Variants in C12orf42 observed in about 807,000 individuals in gnomAD.
C12orf42 encodes the protein chromosome 12 open reading frame 42.
A neutral mutation model predicts 21.6 loss-of-function variants in C12orf42; 25 were observed. The ratio of observed to expected loss-of-function variants is 1.16; its 90% CI spans 0.84 to 1.62. The LOEUF is 1.62. C12orf42 is among the 40% of genes most tolerant of loss of function. The pLI is 0.00. For synonymous variants in C12orf42, 174 were observed against 175.0 expected, an observed-to-expected ratio of 0.99 and a Z score of 0.05; for missense variants, 483 against 459.3, an observed-to-expected ratio of 1.05 and a Z score of -0.47.
At chr12:103,117,802 C>A in the C12orf42 span, among the ~76,000 whole-genome samples, 1 of 152,252 alleles carries the variant, frequency 6.6e-6, no homozygotes, top group East Asian at 1.9e-4. Context: ...ATGAAGGCAA[C>A]CTGAGTATAG....
intron 4 of C12orf42, among the ~76,000 whole-genome samples, chr12:103,285,948 A>C (rs904932091): frequency 1.3e-5 from 2 of 152,202 alleles, no homozygotes; most frequent in African/African-American, 2.4e-5. Context: ...ATGTGCTGAA[A>C]AAAATAAATG....
the C12orf42 span, among the ~76,000 whole-genome samples, chr12:103,114,500 G>A: frequency 2.0e-5 from 3 of 152,230 alleles, no homozygotes; most frequent in Non-Finnish European, 4.4e-5. Context: ...CTCTGGGTTG[G>A]GGCCCAGCAC....
Position 103,436,814 on chromosome 12 carries a change from T to C in C12orf42, c.79-35139A>G, listed in dbSNP as rs373572460. On this transcript the variant is annotated intron_variant, in intron 2 of 5. Coordinates refer to ENST00000548883, the MANE Select transcript of C12orf42 (RefSeq NM_198521.5). ...CCCACACATTAATAATGGGAGACTT[T>C]AACACCCCACTGTCAACATTAGACA... Among the ~76,000 whole-genome samples, 118 of 151,944 alleles carry C rather than the reference T, an allele frequency of 7.8e-4. 1 individual carries two copies. In the East Asian group the frequency reaches 0.016, roughly 21 times the overall value.
At chr12:103,126,150 A>G in the C12orf42 span, among the ~76,000 whole-genome samples, 17 of 152,308 alleles carry the variant, frequency 1.1e-4, no homozygotes, top group East Asian at 3.3e-3. Context: ...GTGGCAGCAC[A>G]AGGAAGAAAT....
At chr12:103,278,564 G>A (rs1450706866) in intron 4 of C12orf42, among the ~76,000 whole-genome samples, 1 of 152,244 alleles carries the variant, frequency 6.6e-6, no homozygotes, top group Non-Finnish European at 1.5e-5. Flanking sequence ...GGCTGTGGCT[G>A]GGCACGTGGC....
At position 103,270,185 on chromosome 12, in the gene C12orf42, C is replaced by G. The variant is rs1410569845; in HGVS notation, n.399-332G>C. ...GTGGACACTGTGCTGAAAACATGAC[C>G]TAAGTACTACAGAAATGCAGAAAAG... On this transcript the variant is annotated intron_variant and non_coding_transcript_variant, in intron 5 of 6. Transcript: ENST00000546526. The G allele has an allele frequency of 6.6e-5, 10 of 152,066 alleles. No homozygotes were observed. The East Asian group carries it at 1.2e-3, about 18-fold the overall frequency. The allele number at this position is 152,066 out of a possible 1,614,324, so 9.4% of individuals were successfully genotyped here. A position where few individuals can be genotyped will look rare whatever the true frequency, so the allele number is the denominator to read the frequency against.
At chr12:103,136,998 A>C in the C12orf42 span, among the ~76,000 whole-genome samples, 1 of 152,188 alleles carries the variant, frequency 6.6e-6, no homozygotes, top group South Asian at 2.1e-4. Flanking sequence ...TCAAGAGCAC[A>C]GGCAACAAAA....
chr12:103,299,165 ATAT>A (rs1686838102), downstream of C12orf42, among the ~76,000 whole-genome samples: 1 of 152,172 alleles, frequency 6.6e-6, no homozygotes, highest in Non-Finnish European at 1.5e-5. Flanking sequence ...ATAAAATAAC[ATAT>A]TATACAGTTT....
the C12orf42 span, among the ~76,000 whole-genome samples, chr12:103,065,961 C>A: frequency 6.6e-6 from 1 of 152,162 alleles, no homozygotes; most frequent in Non-Finnish European, 1.5e-5. Flanking sequence ...AGCTGCTCTG[C>A]CACTTGGGAC....
At chr12:103,125,303 A>T in the C12orf42 span, among the ~76,000 whole-genome samples, 2 of 152,132 alleles carry the variant, frequency 1.3e-5, no homozygotes, top group African/African-American at 4.8e-5. Context: ...ATAATCCAAG[A>T]TCCAGAGGTG....
At chr12:103,208,853 T>G in the C12orf42 span, among the ~76,000 whole-genome samples, 1 of 152,230 alleles carries the variant, frequency 6.6e-6, no homozygotes, top group East Asian at 1.9e-4. Flanking sequence ...GAGCTTAGTG[T>G]TCCTCATTAT....
the C12orf42 span, among the ~76,000 whole-genome samples, chr12:103,519,670 T>C: frequency 1.3e-5 from 2 of 152,146 alleles, no homozygotes; most frequent in African/African-American, 4.8e-5. Context: ...TGTGCTTTAA[T>C]GGAGAAAGAG....
the C12orf42 span, among the ~76,000 whole-genome samples, chr12:103,108,596 G>A: frequency 2.0e-5 from 3 of 152,042 alleles, no homozygotes; most frequent in African/African-American, 7.2e-5. Context: ...TAACAAAATG[G>A]AAATTGAAGG....
intron 2 of C12orf42, among the ~76,000 whole-genome samples, chr12:103,467,350 G>C (rs1057381661): frequency 6.6e-6 from 1 of 152,258 alleles, no homozygotes; most frequent in East Asian, 1.9e-4. Flanking sequence ...GGGGAGAAAG[G>C]TATTTGCTCC....
the C12orf42 span, among the ~76,000 whole-genome samples, chr12:103,183,590 T>A: frequency 6.6e-6 from 1 of 152,166 alleles, no homozygotes; most frequent in African/African-American, 2.4e-5. Flanking sequence ...TTATCTTTAT[T>A]ATTTCCTTTC....
rs1031996511 is a variant in C12orf42, at chr12:103,463,855, G to A, written c.78+14494C>T. Reference sequence around the variant, plus strand: ...ATTTCTGTTCCTGTGTTAGTTTGCTGAGGATAATGGCTTCCAGCTCTATCT... The same window carrying A: ...ATTTCTGTTCCTGTGTTAGTTTGCTAAGGATAATGGCTTCCAGCTCTATCT... On this transcript the variant is annotated intron_variant, in intron 2 of 5. Coordinates refer to ENST00000548883, the MANE Select transcript of C12orf42 (RefSeq NM_198521.5). 2.0e-5 allele frequency among the ~76,000 whole-genome samples: 3 copies of A among 152,146 alleles called. No individual in the cohort carries two copies. The East Asian group carries it at 5.8e-4, about 29-fold the overall frequency.
chr12:103,560,188 T>A, the C12orf42 span, among the ~76,000 whole-genome samples: 1 of 152,206 alleles, frequency 6.6e-6, no homozygotes, highest in South Asian at 2.1e-4. Flanking sequence ...AACTACAAGG[T>A]TGACTGCTTT....
At chr12:103,105,103 G>A in the C12orf42 span, among the ~76,000 whole-genome samples, 22 of 152,232 alleles carry the variant, frequency 1.4e-4, no homozygotes, top group African/African-American at 5.1e-4. Flanking sequence ...ACCACCAAAA[G>A]CAAATGAATC....
At chr12:103,160,417 T>G in the C12orf42 span, among the ~76,000 whole-genome samples, 1 of 152,336 alleles carries the variant, frequency 6.6e-6, no homozygotes, top group African/African-American at 2.4e-5. Flanking sequence ...TATTCACATT[T>G]TAGAATGACT....
Sources: allele counts gnomAD v4.1 joint callset (sites outside exome capture counted in the v4.1 genomes callset), GRCh38; gene constraint gnomAD v4.1.1; transcripts MANE v1.5; gene names NCBI Gene and HGNC (gene_info 2026-07-23, HGNC 2026-07-21).